Variants in ERGIC1 observed in about 807,000 individuals in gnomAD.
ERGIC1 encodes the protein endoplasmic reticulum-Golgi intermediate compartment protein 1.
ERGIC1 carries 19 observed loss-of-function variants against 38.3 expected under a neutral mutation model. That is an observed-to-expected ratio of 0.50 (90% CI 0.35 to 0.73). The LOEUF (loss-of-function observed/expected upper bound fraction) is 0.73. ERGIC1 is among the 30% of genes least tolerant of loss of function. The pLI is 0.01. For missense variants in ERGIC1, 294 were observed against 389.2 expected, an observed-to-expected ratio of 0.76 and a Z score of 2.06; for synonymous variants, 124 against 157.6, an observed-to-expected ratio of 0.79 and a Z score of 1.60.
chr5:172,879,971 A>G (rs1278640799), intron 1 of ERGIC1, among the ~76,000 whole-genome samples: 1 of 152,162 alleles, frequency 6.6e-6, no homozygotes, highest in Non-Finnish European at 1.5e-5. Flanking sequence ...CTCTCCTTAC[A>G]TGAGCACTAA....
At chr5:172,900,323 G>A (rs1209730141) in intron 3 of ERGIC1, among the ~76,000 whole-genome samples, 1 of 152,072 alleles carries the variant, frequency 6.6e-6, no homozygotes, top group African/African-American at 2.4e-5. Flanking sequence ...CCATTCCCCC[G>A]TGCCAGGACT....
At chr5:172,865,940 T>G (rs1761850378) in intron 1 of ERGIC1, among the ~76,000 whole-genome samples, 1 of 152,208 alleles carries the variant, frequency 6.6e-6, no homozygotes. Context: ...ATTCCTCTTC[T>G]GTCTGCACTT....
intron 5 of ERGIC1, chr5:172,920,425 C>T (rs1218289267): frequency 1.4e-6 from 1 of 717,828 alleles, no homozygotes; most frequent in South Asian, 1.5e-5. Context: ...GCAGCCTCAC[C>T]AGAGACCCCA....
chr5:172,882,295 A>G (rs1364196396), intron 1 of ERGIC1, among the ~76,000 whole-genome samples: 1 of 152,194 alleles, frequency 6.6e-6, no homozygotes, highest in African/African-American at 2.4e-5. Flanking sequence ...TGTCTAGAAC[A>G]CTGCCTGGTA....
intron 5 of ERGIC1, among the ~76,000 whole-genome samples, chr5:172,919,132 G>T (rs1031121346): frequency 1.3e-5 from 2 of 152,218 alleles, no homozygotes; most frequent in African/African-American, 2.4e-5. Flanking sequence ...ATAACGGGGG[G>T]ACAGCCAGTG....
chr5:172,902,196 T>C (rs750122295), intron 3 of ERGIC1, among the ~76,000 whole-genome samples: 13 of 152,016 alleles, frequency 8.6e-5, no homozygotes, highest in Non-Finnish European at 1.6e-4. Flanking sequence ...TGCACCCTTC[T>C]AGGGTGAGGT....
rs185799326 is a variant in ERGIC1, at chr5:172,950,221, T to C, written c.766-488T>C. Among the ~76,000 whole-genome samples the C allele has an allele frequency of 6.3e-4, 96 of 152,342 alleles. 1 individual carries two copies. Among genetic ancestry groups the C allele is most frequent in the Admixed American group, 6.1e-3 (94 of 15,302 alleles). On this transcript the variant is annotated intron_variant, in intron 9 of 9. Coordinates refer to ENST00000393784, the MANE Select transcript of ERGIC1 (RefSeq NM_001031711.3). ...GTCCCAGGATGCCATTTCTTGGCTG[T>C]GTGACCTTGGGCCCCTGGGACTGCC... is the stretch of plus-strand genomic sequence containing the variant.
chr5:172,919,598 G>GA, intron 5 of ERGIC1, among the ~76,000 whole-genome samples: 1 of 152,364 alleles, frequency 6.6e-6, no homozygotes, highest in Non-Finnish European at 1.5e-5. Flanking sequence ...GTCACTGGTT[G>GA]AATGACTCTG....
chr5:172,887,065 CCT>C (rs1241168277), intron 1 of ERGIC1, among the ~76,000 whole-genome samples: 2 of 152,194 alleles, frequency 1.3e-5, no homozygotes, highest in East Asian at 3.8e-4. Flanking sequence ...ATTTTTCTCC[CCT>C]GAGGTCTTAG....
intron 1 of ERGIC1, among the ~76,000 whole-genome samples, chr5:172,859,195 A>G (rs1175201384): frequency 6.6e-6 from 1 of 151,614 alleles, no homozygotes; most frequent in East Asian, 2.0e-4. Flanking sequence ...TTCCTCTATG[A>G]TTTTTCCTGT....
chr5:172,945,912 G>T (rs1764111583), intron 9 of ERGIC1, among the ~76,000 whole-genome samples: 1 of 152,174 alleles, frequency 6.6e-6, no homozygotes, highest in South Asian at 2.1e-4. Context: ...GCAATCTCCT[G>T]AGTTCACGTG....
In ERGIC1 at chr5:172,951,896, A is replaced by C. The variant is rs1305419738; in HGVS notation, c.*1080A>C. The C allele has an allele frequency of 6.6e-6, 1 of 152,276 alleles. No individual in the cohort carries two copies. The highest frequency in any genetic ancestry group is 1.5e-5 in the Non-Finnish European group (1 of 68,094). The allele number at this position is 152,276 out of a possible 1,614,324, so 9.4% of individuals were successfully genotyped here. A position where few individuals can be genotyped will look rare whatever the true frequency, so the allele number is the denominator to read the frequency against. ...TCTGGACTCCCTACGGGTGCAGAGC[A>C]CTTGGGTTTCTCTACAGCCATCGTG... On this transcript the variant is annotated 3_prime_UTR_variant, in exon 10 of 10. Transcript: ENST00000393784.
intron 5 of ERGIC1, among the ~76,000 whole-genome samples, chr5:172,919,542 C>A (rs1307164631): frequency 1.3e-5 from 2 of 152,218 alleles, no homozygotes; most frequent in African/African-American, 4.8e-5. Context: ...GTGAACTTGT[C>A]CTTTGGGGTC....
intron 1 of ERGIC1, among the ~76,000 whole-genome samples, chr5:172,867,988 G>T (rs897251745): frequency 6.6e-6 from 1 of 152,164 alleles, no homozygotes; most frequent in Admixed American, 6.5e-5. Flanking sequence ...GCAGAGTCAG[G>T]ATTTGAGCCG....
chr5:172,847,570 G>A (rs539228398), intron 1 of ERGIC1, among the ~76,000 whole-genome samples: 37 of 152,272 alleles, frequency 2.4e-4, no homozygotes, highest in South Asian at 6.2e-4. Context: ...CTGGAGTGCA[G>A]TGGCATGATC....
chr5:172,897,840 A>C (rs1762761184), intron 3 of ERGIC1: 1 of 414,020 alleles, frequency 2.4e-6, no homozygotes, highest in Admixed American at 4.4e-5. Context: ...TCTCAGGCCC[A>C]CACTTGGTGA....
intron 3 of ERGIC1, among the ~76,000 whole-genome samples, chr5:172,906,425 T>C (rs1410882987): frequency 1.3e-5 from 2 of 152,124 alleles, no homozygotes; most frequent in African/African-American, 4.8e-5. Flanking sequence ...TGGGACAGCA[T>C]GAATGCACGT....
Position 172,924,030 on chromosome 5 carries a change from C to T in ERGIC1, c.401C>T (p.Thr134Ile). The part of the protein sequence containing the change: ...NKVPGNFHVS[T>I]HSATAQPQNP... ...GTCCCCGGCAACTTCCACGTGTCCA[C>T]ACACAGTGCCACAGCCCAGCCACAG... The change falls in exon 6 of 10, where the codon ACA (threonine) becomes ATA (isoleucine). Residue 134 changes from threonine (T) to isoleucine (I), a missense_variant. Thr to Ile is a moderately conservative substitution (Grantham distance 89). Around this residue, in one of 3 missense-constraint regions of ERGIC1, gnomAD observed 163 missense variants for 225.8 expected, o/e 0.72. Coordinates refer to ENST00000393784, the MANE Select transcript of ERGIC1 (RefSeq NM_001031711.3). The T allele has an allele frequency of 6.2e-7, 1 of 1,614,220 alleles. No homozygotes were observed. Among genetic ancestry groups the T allele is most frequent in the Non-Finnish European group, 8.5e-7 (1 of 1,180,032 alleles).
chr5:172,858,832 C>T (rs1761624331), intron 1 of ERGIC1, among the ~76,000 whole-genome samples: 3 of 152,206 alleles, frequency 2.0e-5, no homozygotes, highest in Non-Finnish European at 4.4e-5. Context: ...CCCCTGCCAG[C>T]CAGATGTTTG....
Sources: allele counts gnomAD v4.1 joint callset (sites outside exome capture counted in the v4.1 genomes callset), GRCh38; gene constraint gnomAD v4.1.1; regional missense constraint gnomAD v4.1.1; transcripts MANE v1.5; gene names NCBI Gene and HGNC (gene_info 2026-07-23, HGNC 2026-07-21).